The following CNTN6 variants were observed in gnomAD, a reference collection of about 807,000 sequenced individuals.
CNTN6 encodes the protein contactin 6.
In CNTN6, 137 loss-of-function variants were observed where a neutral mutation model predicts 122.8. The ratio of observed to expected loss-of-function variants is 1.12; its 90% confidence interval spans 0.97 to 1.29. The LOEUF (loss-of-function observed/expected upper bound fraction) is 1.29. CNTN6 is among the 50% of genes most tolerant of loss of function. The probability of loss-of-function intolerance (pLI) is 0.00; values close to 1 mark genes in which losing one functional copy is unlikely to be tolerated. For synonymous variants in CNTN6, 570 were observed against 426.0 expected (o/e 1.34, Z -4.16); for missense variants, 1,634 against 1,223.4 (o/e 1.34, Z -5.01).
At chr3:1,211,692 G>A (rs1353281511) in intron 2 of CNTN6, among the ~76,000 whole-genome samples, 2 of 151,732 alleles carry the variant, frequency 1.3e-5, no homozygotes, top group Non-Finnish European at 2.9e-5. Flanking sequence ...CTGCCTTTGT[G>A]TAGACTGGTG....
intron 4 of CNTN6, among the ~76,000 whole-genome samples, chr3:1,242,428 C>A (rs1031507963): frequency 6.6e-6 from 1 of 151,940 alleles, no homozygotes; most frequent in African/African-American, 2.4e-5. Context: ...AAGACTTGTC[C>A]GGTTTTTGGA....
At chr3:1,296,983 A>C (rs1485515143) in intron 6 of CNTN6, among the ~76,000 whole-genome samples, 1 of 151,708 alleles carries the variant, frequency 6.6e-6, no homozygotes, top group African/African-American at 2.4e-5. Context: ...ATAATATAAA[A>C]ATCAAACCTA....
At chr3:1,143,096 G>C (rs2092650395) in intron 1 of CNTN6, among the ~76,000 whole-genome samples, 1 of 151,064 alleles carries the variant, frequency 6.6e-6, no homozygotes, top group Non-Finnish European at 1.5e-5. Context: ...TGGGTAAAAA[G>C]ATCTAAGCAA....
chr3:1,329,573 A>G (rs1035469237), intron 10 of CNTN6, among the ~76,000 whole-genome samples: 1 of 151,798 alleles, frequency 6.6e-6, no homozygotes, highest in Non-Finnish European at 1.5e-5. Context: ...TAACTCTCTA[A>G]GGTAATATCT....
chr3:1,242,922 C>T (rs908971628), intron 4 of CNTN6, among the ~76,000 whole-genome samples: 39 of 152,100 alleles, frequency 2.6e-4, no homozygotes, highest in African/African-American at 9.4e-4. Flanking sequence ...GCAAGGGAAA[C>T]AGGCCCTTGA....
intron 1 of CNTN6, among the ~76,000 whole-genome samples, chr3:1,120,447 A>C: frequency 6.6e-6 from 1 of 152,034 alleles, no homozygotes; most frequent in Admixed American, 6.6e-5. Context: ...CATTTCCCTA[A>C]TGACTTATCT....
At chr3:1,209,640 C>G (rs190703983) in intron 2 of CNTN6, among the ~76,000 whole-genome samples, 2 of 150,862 alleles carry the variant, frequency 1.3e-5, no homozygotes, top group East Asian at 4.0e-4. Context: ...ATTTTTATTA[C>G]AATTTAAAAG....
At chr3:1,388,031 C>A (rs1030302388) in intron 20 of CNTN6, among the ~76,000 whole-genome samples, 5 of 152,000 alleles carry the variant, frequency 3.3e-5, no homozygotes, top group African/African-American at 4.8e-5. Flanking sequence ...ACAAAGCAGC[C>A]AGGAAGCTCC....
chr3:1,151,462 ATC>A (rs772227706), intron 2 of CNTN6, among the ~76,000 whole-genome samples: 1 of 152,172 alleles, frequency 6.6e-6, no homozygotes, highest in African/African-American at 2.4e-5. Flanking sequence ...AAAGTTTTAA[ATC>A]ATGCCGTATT....
chr3:1,186,073 A>G (rs1287117564), intron 2 of CNTN6, among the ~76,000 whole-genome samples: 2 of 152,204 alleles, frequency 1.3e-5, no homozygotes, highest in Admixed American at 6.5e-5. Context: ...ATTGTTTAAT[A>G]TAGAATATAA....
chr3:1,132,743 A>G (rs2092372582), intron 1 of CNTN6, among the ~76,000 whole-genome samples: 1 of 152,086 alleles, frequency 6.6e-6, no homozygotes, highest in South Asian at 2.1e-4. Context: ...ACTTTACTGC[A>G]CAAAGAATTT....
chr3:1,308,955 T>A (rs1024668053), intron 7 of CNTN6, among the ~76,000 whole-genome samples: 6 of 152,192 alleles, frequency 3.9e-5, no homozygotes, highest in African/African-American at 1.4e-4. Flanking sequence ...TCTGCTTATA[T>A]CTTTTCTACA....
At chr3:1,205,684 C>T (rs537114999) in intron 2 of CNTN6, among the ~76,000 whole-genome samples, 1 of 152,124 alleles carries the variant, frequency 6.6e-6, no homozygotes, top group South Asian at 2.1e-4. Context: ...TGTAAATGAA[C>T]ACATGAAAGA....
intron 2 of CNTN6, among the ~76,000 whole-genome samples, chr3:1,186,835 G>A (rs140745565): frequency 2.0e-5 from 3 of 150,166 alleles, no homozygotes; most frequent in African/African-American, 7.4e-5. Flanking sequence ...TTAATAAAGG[G>A]GTTAAAAGAA....
chr3:1,133,995 C>A (rs4597691), intron 1 of CNTN6, among the ~76,000 whole-genome samples: 72,093 of 151,808 alleles, frequency 0.47, 17,354 homozygotes, highest in Non-Finnish European at 0.49. Context: ...TGCTGTAAGC[C>A]AGTTAATCTT....
At chr3:1,155,480 AT>A (rs59513993) in intron 2 of CNTN6, among the ~76,000 whole-genome samples, 24,383 of 150,654 alleles carry the variant, frequency 0.16, 2,939 homozygotes, top group African/African-American at 0.32. Flanking sequence ...TGGGCTTAGG[AT>A]TTTTTTTTTA....
chr3:1,167,478 A>G (rs1471124218), intron 2 of CNTN6, among the ~76,000 whole-genome samples: 1 of 152,162 alleles, frequency 6.6e-6, no homozygotes, highest in Non-Finnish European at 1.5e-5. Flanking sequence ...TCTTTTGTTT[A>G]GCTAGCAAGC....
rs1701702126 is a variant in CNTN6 at position 1,327,508 on chromosome 3, T to C, written c.1135T>C (p.Ser379Pro). The change falls in exon 10 of 23, where the codon TCA becomes CCA. Residue 379 changes from serine to proline, a missense_variant. Transcript: ENST00000446702. ...GTLIITMLNV[S>P]DSGVYQCAAE... ...ACTCATCATAACGATGCTGAATGTGTCAGATTCTGGTGTGTACCAATGTGC... is the reference window on the plus strand; with the variant it reads ...ACTCATCATAACGATGCTGAATGTGCCAGATTCTGGTGTGTACCAATGTGC... 6.2e-7 allele frequency: 1 copy of C among 1,611,006 alleles called. No individual in the cohort carries two copies. Among genetic ancestry groups the C allele is most frequent in the African/African-American group, 1.3e-5 (1 of 74,816 alleles).
At chr3:1,393,567 AAAAAAAAG>A (rs1166203406) in intron 20 of CNTN6, among the ~76,000 whole-genome samples, 1 of 144,070 alleles carries the variant, frequency 6.9e-6, no homozygotes, top group Non-Finnish European at 1.6e-5. Context: ...AAAAAAAAAA[AAAAAAAAG>A]AAACTCTTGT....
Sources: gnomAD v4.1 joint callset for allele counts (sites outside exome capture counted in the v4.1 genomes callset) on GRCh38, gnomAD v4.1.1 for gene constraint, MANE v1.5 for transcripts, NCBI Gene and HGNC (gene_info 2026-07-23, HGNC 2026-07-21) for gene names.